The following OR6N1 variants were observed in gnomAD, a reference collection of about 807,000 sequenced individuals.
The protein encoded by OR6N1 is olfactory receptor 6N1.
For synonymous variants in OR6N1, 170 were observed against 150.7 expected (o/e 1.13, Z -0.94); for missense variants, 394 against 371.7 (o/e 1.06, Z -0.49).
the OR6N1 span, among the ~76,000 whole-genome samples, chr1:158,787,174 C>A: frequency 6.6e-6 from 1 of 151,892 alleles, no homozygotes; most frequent in South Asian, 2.1e-4. Flanking sequence ...AAGTGTGTGG[C>A]ATCTCCTCCC....
the OR6N1 span, among the ~76,000 whole-genome samples, chr1:158,832,934 C>G: frequency 6.6e-6 from 1 of 152,020 alleles, no homozygotes; most frequent in African/African-American, 2.4e-5. Context: ...TGCCATCTTA[C>G]TTTGTTTCAA....
At chr1:158,794,450 C>T in the OR6N1 span, among the ~76,000 whole-genome samples, 2 of 152,156 alleles carry the variant, frequency 1.3e-5, no homozygotes, top group Non-Finnish European at 2.9e-5. Context: ...CAGACTACTA[C>T]GAATCCTGCT....
the OR6N1 span, among the ~76,000 whole-genome samples, chr1:158,805,174 T>A: frequency 4.6e-5 from 7 of 152,240 alleles, no homozygotes; most frequent in Non-Finnish European, 8.8e-5. Context: ...TTTCATTTTG[T>A]TCTCTGATGT....
At chr1:158,824,302 C>G in the OR6N1 span, among the ~76,000 whole-genome samples, 3 of 152,084 alleles carry the variant, frequency 2.0e-5, no homozygotes, top group African/African-American at 7.2e-5. Flanking sequence ...GTGACTTGCT[C>G]CTCCTAGCCT....
At chr1:158,787,409 T>A in the OR6N1 span, among the ~76,000 whole-genome samples, 4 of 152,224 alleles carry the variant, frequency 2.6e-5, no homozygotes, top group Admixed American at 2.6e-4. Context: ...CCAAATACAC[T>A]GTCACAACTA....
At chr1:158,777,560 A>G in the OR6N1 span, 2 of 1,614,146 alleles carry the variant, frequency 1.2e-6, no homozygotes, top group Non-Finnish European at 1.7e-6. Context: ...ACAAAAAGCC[A>G]GCCCCTGACA....
chr1:158,798,838 G>A, the OR6N1 span, among the ~76,000 whole-genome samples: 254 of 152,200 alleles, frequency 1.7e-3, 1 homozygote, highest in African/African-American at 5.5e-3. Context: ...GTGCTTTTAC[G>A]TGATTACTGT....
chr1:158,838,705 A>G, the OR6N1 span, among the ~76,000 whole-genome samples: 2 of 152,062 alleles, frequency 1.3e-5, no homozygotes, highest in Non-Finnish European at 2.9e-5. Context: ...ACCTTTTCAG[A>G]CTTACATAAT....
Position 158,766,345 on chromosome 1 carries a change from T to C in OR6N1, c.338A>G (p.Tyr113Cys), listed in dbSNP as rs202200321. The change falls in exon 2 of 2, where the codon TAT becomes TGT. Residue 113 changes from tyrosine (Y) to cysteine (C), a missense_variant. Tyr to Cys is a radical substitution (Grantham distance 194, BLOSUM62 -2). Coordinates refer to ENST00000641846, the MANE Select transcript of OR6N1 (RefSeq NM_001005185.2). ...ATCGTAGGCCATAGCTGTCAGGAGA[T>C]AGCACTCAGTCGCTCCAAGGGAGTG... Reference protein sequence around the residue: ...FFHSLGATECYLLTAMAYDRY... With the variant: ...FFHSLGATECCLLTAMAYDRY... 8.6e-5 allele frequency: 138 copies of C among 1,613,912 alleles called. No homozygotes were observed. The highest frequency in any genetic ancestry group is 1.5e-5 in the Non-Finnish European group (18 of 1,179,972).
the OR6N1 span, among the ~76,000 whole-genome samples, chr1:158,782,689 ACTTG>A: frequency 2.0e-5 from 3 of 152,212 alleles, no homozygotes; most frequent in African/African-American, 7.2e-5. Flanking sequence ...AATGAATCTT[ACTTG>A]TTAAGGTAGA....
the OR6N1 span, among the ~76,000 whole-genome samples, chr1:158,785,435 C>T: frequency 6.6e-6 from 1 of 152,146 alleles, no homozygotes; most frequent in African/African-American, 2.4e-5. Context: ...CTGTGACAGA[C>T]TCCTAGATCC....
chr1:158,785,322 C>T, the OR6N1 span, among the ~76,000 whole-genome samples: 2 of 152,038 alleles, frequency 1.3e-5, no homozygotes, highest in African/African-American at 4.8e-5. Flanking sequence ...CCGTCATCTT[C>T]CTTCTTATGT....
the OR6N1 span, among the ~76,000 whole-genome samples, chr1:158,798,953 C>T: frequency 6.6e-6 from 1 of 152,290 alleles, no homozygotes; most frequent in South Asian, 2.1e-4. Flanking sequence ...CAGGAAAGAA[C>T]TGTGCTACAT....
the OR6N1 span, among the ~76,000 whole-genome samples, chr1:158,829,350 C>T: frequency 6.6e-6 from 1 of 152,146 alleles, no homozygotes; most frequent in Non-Finnish European, 1.5e-5. Flanking sequence ...ATCTTGAATG[C>T]TTTCCTGCTT....
chr1:158,818,110 C>T, the OR6N1 span, among the ~76,000 whole-genome samples: 1 of 152,166 alleles, frequency 6.6e-6, no homozygotes, highest in Non-Finnish European at 1.5e-5. Flanking sequence ...TGGACTATTA[C>T]TAAATACCAA....
the OR6N1 span, among the ~76,000 whole-genome samples, chr1:158,828,515 A>G: frequency 6.6e-6 from 1 of 152,314 alleles, no homozygotes; most frequent in East Asian, 1.9e-4. Context: ...CATCCAGGTC[A>G]TATTGATGCA....
chr1:158,804,817 C>T, the OR6N1 span, among the ~76,000 whole-genome samples: 1 of 151,998 alleles, frequency 6.6e-6, no homozygotes, highest in African/African-American at 2.4e-5. Flanking sequence ...TTATTTAATA[C>T]ATTTTTGAAA....
the OR6N1 span, among the ~76,000 whole-genome samples, chr1:158,787,586 C>CTT: frequency 7.0e-6 from 1 of 143,098 alleles, no homozygotes; most frequent in Admixed American, 6.9e-5. Context: ...CATGTATATA[C>CTT]TTTCTCTCTC....
At chr1:158,772,586 T>A (rs1185185366), upstream of OR6N1, among the ~76,000 whole-genome samples, 1 of 152,204 alleles carries the variant, frequency 6.6e-6, no homozygotes, top group Non-Finnish European at 1.5e-5. Flanking sequence ...CCTGAAAGGG[T>A]GAGGACAGGG....
Sources: gnomAD v4.1 joint callset for allele counts (sites outside exome capture counted in the v4.1 genomes callset) on GRCh38, gnomAD v4.1.1 for gene constraint, MANE v1.5 for transcripts, NCBI Gene and HGNC (gene_info 2026-07-23, HGNC 2026-07-21) for gene names.